Variants in TNFRSF21 observed in about 807,000 individuals in gnomAD.
The protein encoded by TNFRSF21 is TNF receptor superfamily member 21, also known as tumor necrosis factor receptor superfamily member 21.
A neutral mutation model predicts 45.6 loss-of-function variants in TNFRSF21; 19 were observed. That is an observed-to-expected ratio of 0.42 (90% confidence interval 0.29 to 0.61). The LOEUF is 0.61. Among genes scored for constraint, TNFRSF21 ranks in the 20% least tolerant of loss-of-function variants. The pLI, the probability that TNFRSF21 is intolerant of heterozygous loss-of-function variation, is 0.23. For synonymous variants in TNFRSF21, 314 were observed against 335.5 expected, an observed-to-expected ratio of 0.94 and a Z score of 0.70; for missense variants, 737 against 851.5, an observed-to-expected ratio of 0.87 and a Z score of 1.67.
At chr6:47,292,661 AT>A (rs1187652418) in intron 1 of TNFRSF21, among the ~76,000 whole-genome samples, 3 of 152,150 alleles carry the variant, frequency 2.0e-5, no homozygotes, top group Non-Finnish European at 4.4e-5. Context: ...ATTAATTAGT[AT>A]TTTTTATGAT....
chr6:47,286,716 C>T, intron 1 of TNFRSF21, 121 bp from the exon 2 acceptor site: 1 of 1,078,516 alleles, frequency 9.3e-7, no homozygotes, highest in Non-Finnish European at 1.3e-6. Context: ...AAGATCCGAC[C>T]AGGACTGCAT....
At chr6:47,234,624 T>G in intron 5 of TNFRSF21, 46 bp downstream of exon 5, 20 of 1,459,240 alleles carry the variant, frequency 1.4e-5, no homozygotes, top group Non-Finnish European at 1.8e-5. Context: ...CAGGGGCTCT[T>G]TGGGGGGTTT....
rs779058448 is a variant in TNFRSF21, at chr6:47,285,974, C to A, written c.718G>T (p.Glu240Ter). 1 of 1,614,170 alleles carries A rather than the reference C, an allele frequency of 6.2e-7. No individual in the cohort carries two copies. Among genetic ancestry groups the A allele is most frequent in the Non-Finnish European group, 8.5e-7 (1 of 1,180,038 alleles). Reference sequence around the variant, plus strand: ...GGAACATAAGTGGAGGAAGGGACTTCATGGGTTTCCATGTGCTCAGGGCGT... The same window carrying A: ...GGAACATAAGTGGAGGAAGGGACTTAATGGGTTTCCATGTGCTCAGGGCGT... ...FPRPEHMETH[E>*]VPSSTYVPKG... is the part of the protein sequence containing the mutation. Residue 240 changes from glutamate (E) to a stop codon, truncating the protein, a stop_gained, in exon 2 of 6, where the codon GAA (glutamate) becomes TAA (stop). Transcript: ENST00000296861. LOFTEE classifies it high-confidence loss of function.
intron 2 of TNFRSF21, among the ~76,000 whole-genome samples, 177 bp downstream of exon 2, chr6:47,285,767 T>C (rs113473576): frequency 1.2e-3 from 181 of 152,328 alleles, no homozygotes; most frequent in Non-Finnish European, 1.4e-3. Context: ...TGAGTCTACA[T>C]GTTTCTATTA....
chr6:47,239,153 G>T (rs1202574496), intron 4 of TNFRSF21, among the ~76,000 whole-genome samples: 1 of 152,076 alleles, frequency 6.6e-6, no homozygotes, highest in East Asian at 1.9e-4. Context: ...GGGCATGGTG[G>T]CACATGCCTG....
chr6:47,307,887 T>C (rs987310049), intron 1 of TNFRSF21, among the ~76,000 whole-genome samples: 34 of 152,310 alleles, frequency 2.2e-4, no homozygotes, highest in African/African-American at 7.9e-4. Context: ...TAGTAGTGGA[T>C]AGTAGTGGAT....
chr6:47,309,273 C>T, intron 1 of TNFRSF21, 143 bp downstream of exon 1: 1 of 1,225,990 alleles, frequency 8.2e-7, no homozygotes, highest in African/African-American at 1.6e-5. Flanking sequence ...GTTGCCTTCC[C>T]TTGGAAACCC....
intron 1 of TNFRSF21, among the ~76,000 whole-genome samples, chr6:47,305,610 T>C (rs886352074): frequency 6.6e-6 from 1 of 152,154 alleles, no homozygotes; most frequent in African/African-American, 2.4e-5. Flanking sequence ...GTAATGTACT[T>C]TGATAAATGA....
chr6:47,244,610 G>A (rs1381809411), intron 4 of TNFRSF21, among the ~76,000 whole-genome samples: 1 of 151,768 alleles, frequency 6.6e-6, no homozygotes, highest in East Asian at 1.9e-4. Flanking sequence ...TTTCCCCCAA[G>A]TTTTTTTTCT....
chr6:47,297,763 TC>T (rs1266018444), intron 1 of TNFRSF21, among the ~76,000 whole-genome samples: 3 of 152,150 alleles, frequency 2.0e-5, no homozygotes, highest in Non-Finnish European at 2.9e-5. Context: ...CCTCAAGTGA[TC>T]CGCCTGCCTC....
At chr6:47,307,508 T>G (rs531593346) in intron 1 of TNFRSF21, among the ~76,000 whole-genome samples, 1 of 152,208 alleles carries the variant, frequency 6.6e-6, no homozygotes, top group South Asian at 2.1e-4. Flanking sequence ...CCTCCTGAGT[T>G]GCTGGGCATA....
intron 1 of TNFRSF21, among the ~76,000 whole-genome samples, chr6:47,302,783 C>T (rs1471237665): frequency 2.0e-5 from 3 of 152,208 alleles, no homozygotes; most frequent in African/African-American, 7.2e-5. Flanking sequence ...CTCTCTCCTA[C>T]CAACAACTTG....
Position 47,286,333 on chromosome 6 carries a change from T to C in TNFRSF21, c.359A>G (p.Lys120Arg), listed in dbSNP as rs1289527445. ...SQPCPWPMIE[K>R]LPCAALTDRE... ...GTCAGTCAAGGCAGCACAAGGTAAT[T>C]TCTCAATCATTGGCCATGGGCATGG... The change falls in exon 2 of 6, where the codon AAA becomes AGA. Residue 120 changes from lysine to arginine, a missense_variant. Physicochemically the swap from Lys to Arg is conservative, Grantham distance 26. Transcript: ENST00000296861. 6.2e-7 allele frequency: 1 copy of C among 1,614,182 alleles called. No individual in the cohort carries two copies. The highest frequency in any genetic ancestry group is 8.5e-7 in the Non-Finnish European group (1 of 1,180,036).
At position 47,240,635 on chromosome 6, in the gene TNFRSF21, A is replaced by G. The variant is rs556466148; in HGVS notation, c.1510-5737T>C. On this transcript the variant is annotated intron_variant, in intron 4 of 5. Coordinates refer to ENST00000296861, the MANE Select transcript of TNFRSF21 (RefSeq NM_014452.5). ...TAGAGAAAATTGACAAACCCTGTAA[A>G]CTGATTACAAGCGATCACATGACCA... is the stretch of plus-strand genomic sequence containing the variant. 2.6e-5 allele frequency among the ~76,000 whole-genome samples: 4 copies of G among 152,264 alleles called. 1 individual carries two copies. In the South Asian group the frequency reaches 8.3e-4, roughly 32 times the overall value.
intron 4 of TNFRSF21, among the ~76,000 whole-genome samples, chr6:47,248,441 G>A (rs1268020307): frequency 6.6e-6 from 1 of 151,794 alleles, no homozygotes; most frequent in Non-Finnish European, 1.5e-5. Flanking sequence ...AGAGTGCACT[G>A]GTTAAGTCTC....
chr6:47,252,166 T>C (rs931197522), intron 4 of TNFRSF21, among the ~76,000 whole-genome samples: 1 of 152,198 alleles, frequency 6.6e-6, no homozygotes, highest in African/African-American at 2.4e-5. Context: ...AAGTATAAAG[T>C]ATGCAAAATG....
chr6:47,245,419 TAAG>T (rs969169408), intron 4 of TNFRSF21, among the ~76,000 whole-genome samples: 20 of 149,846 alleles, frequency 1.3e-4, no homozygotes, highest in African/African-American at 4.8e-4. Flanking sequence ...AAGGCAATAC[TAAG>T]AAGAAGTGTG....
intron 3 of TNFRSF21, among the ~76,000 whole-genome samples, chr6:47,266,999 C>G (rs144133251): frequency 1.0e-3 from 155 of 152,244 alleles, no homozygotes; most frequent in South Asian, 2.1e-3. Flanking sequence ...CCCCACCCTA[C>G]AAGAGCAGAC....
At chr6:47,245,458 T>TTG (rs770568672) in intron 4 of TNFRSF21, among the ~76,000 whole-genome samples, 2,144 of 107,804 alleles carry the variant, frequency 0.02, 21 homozygotes, top group Middle Eastern at 0.04. Context: ...GTGTGTGTGT[T>TTG]TGTGTGTGTG....
Sources: allele counts gnomAD v4.1 joint callset (sites outside exome capture counted in the v4.1 genomes callset), GRCh38; gene constraint gnomAD v4.1.1; transcripts MANE v1.5; gene names NCBI Gene and HGNC (gene_info 2026-07-23, HGNC 2026-07-21).